Variants in KCNIP4 observed in about 807,000 individuals in gnomAD.
KCNIP4 encodes Kv channel-interacting protein 4.
In KCNIP4, 12 loss-of-function variants were observed where a neutral mutation model predicts 34.0. The ratio of observed to expected loss-of-function variants is 0.35; its 90% CI spans 0.23 to 0.57. The LOEUF (loss-of-function observed/expected upper bound fraction) is 0.57, where lower values mean the gene tolerates loss of function less well. KCNIP4 is among the 20% of genes least tolerant of loss of function. The pLI is 0.83. For synonymous variants in KCNIP4, 124 were observed against 102.2 expected (o/e 1.21, Z -1.29); for missense variants, 238 against 311.7 (o/e 0.76, Z 1.78).
intron 1 of KCNIP4, among the ~76,000 whole-genome samples, chr4:21,820,107 G>C (rs1459434678): frequency 6.6e-6 from 1 of 151,352 alleles, no homozygotes; most frequent in East Asian, 1.9e-4. Context: ...AAATAAGGCA[G>C]ATACACTAAG....
At chr4:21,680,614 G>A (rs1750272643) in intron 1 of KCNIP4, among the ~76,000 whole-genome samples, 1 of 152,154 alleles carries the variant, frequency 6.6e-6, no homozygotes, top group Non-Finnish European at 1.5e-5. Context: ...AATAAGACTT[G>A]GAAGTCAAAA....
chr4:21,876,170 T>C (rs1726097013), intron 1 of KCNIP4, among the ~76,000 whole-genome samples: 2 of 152,186 alleles, frequency 1.3e-5, no homozygotes, highest in Admixed American at 1.3e-4. Flanking sequence ...GTGATACACT[T>C]CACTATGAAC....
intron 1 of KCNIP4, among the ~76,000 whole-genome samples, chr4:20,900,724 A>G (rs370169524): frequency 9.8e-5 from 15 of 152,290 alleles, no homozygotes; most frequent in African/African-American, 3.6e-4. Context: ...AGAGTTGGGG[A>G]AAGTGGGGAA....
intron 1 of KCNIP4, among the ~76,000 whole-genome samples, chr4:21,129,694 A>G (rs1750912596): frequency 6.6e-6 from 1 of 152,186 alleles, no homozygotes; most frequent in African/African-American, 2.4e-5. Flanking sequence ...TGAATTTACG[A>G]AAGTTCTCAA....
intron 1 of KCNIP4, among the ~76,000 whole-genome samples, chr4:21,172,092 A>G (rs1372659155): frequency 1.3e-5 from 2 of 152,088 alleles, no homozygotes. Context: ...CAGTGGCGTG[A>G]TCTTGGCTCA....
At chr4:21,333,477 G>A (rs1715857942) in intron 1 of KCNIP4, among the ~76,000 whole-genome samples, 1 of 151,964 alleles carries the variant, frequency 6.6e-6, no homozygotes, top group African/African-American at 2.4e-5. Context: ...CAATAGCACT[G>A]TAAGGTACGT....
intron 1 of KCNIP4, among the ~76,000 whole-genome samples, chr4:21,770,014 A>C (rs938749464): frequency 6.6e-6 from 1 of 152,148 alleles, no homozygotes; most frequent in Non-Finnish European, 1.5e-5. Flanking sequence ...TCTTCTAAAA[A>C]AAAAGAAAGA....
intron 1 of KCNIP4, among the ~76,000 whole-genome samples, chr4:21,724,570 C>CT (rs397790836): frequency 0.41 from 59,278 of 143,632 alleles, 14,241 homozygotes; most frequent in East Asian, 0.67. Flanking sequence ...CAGTGAGGGC[C>CT]TTTTTTTTTT....
rs78317790 is a variant in KCNIP4 at position 21,195,402 on chromosome 4, C to T, written c.62-312693G>A. Reference sequence around the variant, plus strand: ...GAAAGTTCATGTGACCTAGGTTTGCCGAATAAAAGACTTAGCAACAATATA... The same window carrying T: ...GAAAGTTCATGTGACCTAGGTTTGCTGAATAAAAGACTTAGCAACAATATA... On this transcript the variant is annotated intron_variant, in intron 1 of 8. Transcript: ENST00000382152. 3.0e-3 allele frequency among the ~76,000 whole-genome samples: 462 copies of T among 152,130 alleles called. 5 individuals carry two copies. Among genetic ancestry groups the T allele is most frequent in the Middle Eastern group, 0.01 (3 of 294 alleles).
At chr4:20,940,499 G>C (rs1370641902) in intron 1 of KCNIP4, among the ~76,000 whole-genome samples, 1 of 152,112 alleles carries the variant, frequency 6.6e-6, no homozygotes, top group East Asian at 1.9e-4. Flanking sequence ...GGGATAAACT[G>C]TGTTTTTCAT....
chr4:21,499,392 T>C (rs1280229261), intron 1 of KCNIP4, among the ~76,000 whole-genome samples: 1 of 151,680 alleles, frequency 6.6e-6, no homozygotes. Context: ...CGCTTCCACG[T>C]TTTTTATTTC....
chr4:20,966,113 T>G (rs1221158453), intron 1 of KCNIP4, among the ~76,000 whole-genome samples: 1 of 152,192 alleles, frequency 6.6e-6, no homozygotes, highest in Non-Finnish European at 1.5e-5. Flanking sequence ...ATTTAGGGAT[T>G]GCTGAATATT....
chr4:21,285,827 C>T (rs1039662235), intron 1 of KCNIP4, among the ~76,000 whole-genome samples: 12 of 152,094 alleles, frequency 7.9e-5, no homozygotes, highest in African/African-American at 2.2e-4. Context: ...GGTGATACAG[C>T]GAGATCCTGT....
chr4:21,705,259 G>T (rs1447171352), intron 1 of KCNIP4, among the ~76,000 whole-genome samples: 2 of 152,262 alleles, frequency 1.3e-5, no homozygotes, highest in East Asian at 3.9e-4. Context: ...CAACACGGCA[G>T]ATCCTTGTGG....
At chr4:21,005,777 G>A (rs1738499127) in intron 1 of KCNIP4, among the ~76,000 whole-genome samples, 1 of 152,138 alleles carries the variant, frequency 6.6e-6, no homozygotes, top group South Asian at 2.1e-4. Context: ...TGGTTATAGT[G>A]AAGGAGGAAG....
At chr4:21,470,197 G>A (rs1730342811) in intron 1 of KCNIP4, among the ~76,000 whole-genome samples, 1 of 152,156 alleles carries the variant, frequency 6.6e-6, no homozygotes, top group Non-Finnish European at 1.5e-5. Flanking sequence ...TTCAGAGAAA[G>A]GAGGCAAGAG....
chr4:20,836,283 T>C (rs1719031220), intron 3 of KCNIP4, among the ~76,000 whole-genome samples: 2 of 152,302 alleles, frequency 1.3e-5, no homozygotes, highest in East Asian at 3.9e-4. Context: ...AATAAACCCT[T>C]TCCTGCCTTA....
At chr4:21,288,314 AGATGTAT>A (rs1438585945) in intron 1 of KCNIP4, among the ~76,000 whole-genome samples, 1 of 152,202 alleles carries the variant, frequency 6.6e-6, no homozygotes, top group Non-Finnish European at 1.5e-5. Flanking sequence ...AATCATGCAC[AGATGTAT>A]GATTAGGCTA....
chr4:21,438,141 G>A (rs1727122713), intron 1 of KCNIP4, among the ~76,000 whole-genome samples: 1 of 152,086 alleles, frequency 6.6e-6, no homozygotes, highest in Admixed American at 6.6e-5. Context: ...AATCTCGCTA[G>A]CTCTTCAAGA....
Sources: allele counts gnomAD v4.1 joint callset (sites outside exome capture counted in the v4.1 genomes callset), GRCh38; gene constraint gnomAD v4.1.1; transcripts MANE v1.5; gene names NCBI Gene and HGNC (gene_info 2026-07-23, HGNC 2026-07-21).